The following SPRYD3 variants were observed in gnomAD, a reference collection of about 807,000 sequenced individuals.
SPRYD3 encodes the protein SPRY domain-containing protein 3.
Under a neutral mutation model 50.1 loss-of-function variants are expected in SPRYD3, and 17 were observed. That is an observed-to-expected ratio of 0.34 (90% CI 0.23 to 0.51). The LOEUF is 0.51. Among genes scored for constraint, SPRYD3 ranks in the 20% least tolerant of loss-of-function variants. SPRYD3 has a pLI of 0.97. For missense variants in SPRYD3, 401 were observed against 591.2 expected, an observed-to-expected ratio of 0.68 and a Z score of 3.34; for synonymous variants, 198 against 215.5, an observed-to-expected ratio of 0.92 and a Z score of 0.71.
chr12:53,071,854 G>A (rs1257835492), intron 6 of SPRYD3, among the ~76,000 whole-genome samples: 1 of 152,052 alleles, frequency 6.6e-6, no homozygotes, highest in East Asian at 1.9e-4. Flanking sequence ...CCTGCCACCT[G>A]GCCCAAGCTG....
Position 53,074,844 on chromosome 12 carries a change from A to G in SPRYD3, c.372-60T>C, listed in dbSNP as rs567559251. 2.1e-5 allele frequency: 34 copies of G among 1,596,888 alleles called. No homozygotes were observed. The highest frequency in any genetic ancestry group is 2.7e-5 in the Non-Finnish European group (32 of 1,166,662). On this transcript the variant is annotated intron_variant, in intron 4 of 10. Coordinates refer to ENST00000301463, the MANE Select transcript of SPRYD3 (RefSeq NM_032840.3). The surrounding 1 kb of genome is among the most constrained non-coding windows in gnomAD (Gnocchi z 4.6). The stretch of plus-strand genomic sequence containing the variant: ...CCTGGCCTCCCAACTTCTCCCCAGC[A>G]CTGACAGCAGAGGCCTCATCCTCAT...
intron 6 of SPRYD3, 88 bp from the exon 7 acceptor site, chr12:53,068,392 C>G: frequency 6.7e-7 from 1 of 1,489,548 alleles, no homozygotes; most frequent in Non-Finnish European, 9.1e-7. Context: ...GTCCCACTTT[C>G]CCAGGTCTGA....
chr12:53,066,051 C>G (rs1043699775), intron 10 of SPRYD3, 85 bp from the exon 11 acceptor site: 1 of 1,514,340 alleles, frequency 6.6e-7, no homozygotes, highest in African/African-American at 1.4e-5. Flanking sequence ...GCCTGAACCC[C>G]AATCACCCCA....
chr12:53,074,953 G>A lies in SPRYD3; in HGVS notation c.371+142C>T, dbSNP rs1457071856. Reference sequence around the variant, plus strand: ...CCTCCTCTAGTCTGTAAGCCTTCAAGGGTGCTGCCAGGCCACTTCCCTGTC... The same window carrying A: ...CCTCCTCTAGTCTGTAAGCCTTCAAAGGTGCTGCCAGGCCACTTCCCTGTC... On this transcript the variant is annotated intron_variant, in intron 4 of 10. Transcript: ENST00000301463. The surrounding 1 kb of genome is among the most constrained non-coding windows in gnomAD (Gnocchi z 4.6). 2.2e-6 allele frequency: 3 copies of A among 1,370,878 alleles called. No homozygotes were observed. The highest frequency in any genetic ancestry group is 2.0e-6 in the Non-Finnish European group (2 of 981,376). The allele number at this position is 1,370,878 out of a possible 1,614,324, so 84.9% of individuals were successfully genotyped here. A position where few individuals can be genotyped will look rare whatever the true frequency, so the allele number is the denominator to read the frequency against.
intron 6 of SPRYD3, among the ~76,000 whole-genome samples, chr12:53,070,213 C>A (rs1397816208): frequency 6.6e-6 from 1 of 152,098 alleles, no homozygotes; most frequent in African/African-American, 2.4e-5. Flanking sequence ...TACAGCGTGC[C>A]CTCTTCAGAG....
chr12:53,067,937 T>C (rs1463995189), intron 7 of SPRYD3, among the ~76,000 whole-genome samples: 1 of 151,872 alleles, frequency 6.6e-6, no homozygotes, highest in East Asian at 1.9e-4. Flanking sequence ...CCCCCAGGCC[T>C]TAGTGTGTGG....
chr12:53,069,757 G>A (rs1019182285), intron 6 of SPRYD3, among the ~76,000 whole-genome samples: 5 of 152,216 alleles, frequency 3.3e-5, no homozygotes, highest in East Asian at 1.9e-4. Flanking sequence ...CTCTCTCCCC[G>A]GGAAGCCAGG....
intron 7 of SPRYD3, 103 bp downstream of exon 7, chr12:53,068,052 A>G (rs1944522800): frequency 2.2e-6 from 3 of 1,380,750 alleles, no homozygotes; most frequent in Non-Finnish European, 1.0e-6. Context: ...CTCCCTCCAA[A>G]GCCTGGGCTC....
intron 6 of SPRYD3, 120 bp from the exon 7 acceptor site, chr12:53,068,424 G>C: frequency 8.3e-7 from 1 of 1,207,222 alleles, no homozygotes; most frequent in South Asian, 1.4e-5. Context: ...GGCTGAAAGG[G>C]AAAGAATCCT....
chr12:53,065,532 GA>G lies in SPRYD3; in HGVS notation c.*299del. On this transcript the variant is annotated 3_prime_UTR_variant, in exon 11 of 11. Transcript: ENST00000301463. ...CTCCACCCACACAGGGCCGGTGAGG[GA>G]AAGGGGGACCCAGAAGCCCACTGAC... 3 of 354,106 alleles carry G rather than the reference GA, an allele frequency of 8.5e-6. 1 individual carries two copies. The highest frequency in any genetic ancestry group is 1.2e-4 in the South Asian group (2 of 16,878). The allele number at this position is 354,106 out of a possible 1,614,324, so 21.9% of individuals were successfully genotyped here.
At position 53,073,436 on chromosome 12, in the gene SPRYD3, T is replaced by A; in HGVS notation, c.543A>T (p.Gly181=). ...AGTGCATGCCCACTGCTGGGAACAG[T>A]CCATCTGGGGACATGGGCATGATGG... is the stretch of plus-strand genomic sequence containing the variant. ...GSTIMPMSPD[G]LFPAVGMHSL... Residue 181 remains glycine, a synonymous_variant, in exon 6 of 11, where the codon GGA becomes GGT. Transcript: ENST00000301463. 1 of 1,567,682 alleles carries A rather than the reference T, an allele frequency of 6.4e-7. No homozygotes were observed. The highest frequency in any genetic ancestry group is 8.7e-7 in the Non-Finnish European group (1 of 1,155,142).
Position 53,065,864 on chromosome 12 carries a change from CTT to C in SPRYD3, c.1295_1296del (p.Lys432SerfsTer49). 6.2e-7 allele frequency: 1 copy of C among 1,613,820 alleles called. No homozygotes were observed. The highest frequency in any genetic ancestry group is 8.5e-7 in the Non-Finnish European group (1 of 1,179,934). On this transcript the variant is annotated frameshift_variant, in exon 11 of 11. Coordinates refer to ENST00000301463, the MANE Select transcript of SPRYD3 (RefSeq NM_032840.3). LOFTEE classifies it high-confidence loss of function. Reference sequence around the variant, plus strand: ...CTCAAGGGGTGCAGATCTACTTTGACTTTCTCCCCGCAGCTCAGCATTCCAAT... The same window carrying C: ...CTCAAGGGGTGCAGATCTACTTTGACTCTCCCCGCAGCTCAGCATTCCAAT... ...PTIGMLSCGE[K>X]VKVDLHPLSG
rs373337228 is a variant in SPRYD3 at position 53,078,106 on chromosome 12, C to T, written c.24-845G>A. On this transcript the variant is annotated intron_variant, in intron 1 of 10. Transcript: ENST00000301463. ...GAGACTGAAGATGGCTTGAGTCTGG[C>T]AGGTCAAGGCTGCAGTCAGTTCTGA... 2.5e-4 allele frequency: 115 copies of T among 454,394 alleles called. 1 individual carries two copies. The highest frequency in any genetic ancestry group is 2.1e-3 in the African/African-American group (105 of 49,950). 28.1% of individuals were successfully genotyped at this position (454,394 alleles called of 1,614,324 possible).
chr12:53,073,260 C>CGGG, intron 6 of SPRYD3, 26 bp downstream of exon 6: 1 of 416,308 alleles, frequency 2.4e-6, no homozygotes, highest in Non-Finnish European at 4.4e-6. Context: ...GACCCAGCCC[C>CGGG]TCCCACCCTC....
Position 53,066,008 on chromosome 12 carries a change from G to A in SPRYD3, c.1195-42C>T, listed in dbSNP as rs533497809. The A allele has an allele frequency of 1.9e-6, 3 of 1,594,422 alleles. No homozygotes were observed. The South Asian group carries it at 3.4e-5, about 18-fold the overall frequency. ...GAGAAGAATGGAGCAAGCAGGCTGT[G>A]GCCTCTTCCCTGAGGATGCTGGAGC... On this transcript the variant is annotated intron_variant, in intron 10 of 10. Coordinates refer to ENST00000301463, the MANE Select transcript of SPRYD3 (RefSeq NM_032840.3).
intron 1 of SPRYD3, 119 bp downstream of exon 1, chr12:53,079,192 T>G (rs1259298759): frequency 1.9e-6 from 2 of 1,072,970 alleles, no homozygotes; most frequent in Non-Finnish European, 1.4e-6. Context: ...AGAAGCCCAG[T>G]GACCAGAGCG....
In SPRYD3 at chr12:53,075,827, G is replaced by T. The variant is rs1313116616; in HGVS notation, c.171-16C>A. 1 of 1,610,028 alleles carries T rather than the reference G, an allele frequency of 6.2e-7. No individual in the cohort carries two copies. On this transcript the variant is annotated splice_polypyrimidine_tract_variant and intron_variant, in intron 2 of 10. Transcript: ENST00000301463. ...TCCATGATAACTGAAGGAGGAATGA[G>T]GGGGGAATTCCATTAGCAGCCTAGC...
chr12:53,079,172 C>G, intron 1 of SPRYD3, 139 bp downstream of exon 1: 1 of 901,142 alleles, frequency 1.1e-6, no homozygotes, highest in Non-Finnish European at 1.7e-6. Context: ...GCCGAGGGTG[C>G]AGCAACAGAA....
intron 6 of SPRYD3, 28 bp downstream of exon 6, chr12:53,073,258 C>CCCCGGGGGGGGGGGGGGGGG: frequency 5.0e-6 from 2 of 397,788 alleles, no homozygotes; most frequent in East Asian, 3.8e-5. Context: ...CCGACCCAGC[C>CCCCGGGGGGGGGGGGGGGGG]CCTCCCACCC....
Sources: allele counts gnomAD v4.1 joint callset (sites outside exome capture counted in the v4.1 genomes callset), GRCh38; gene constraint gnomAD v4.1.1; non-coding constraint Gnocchi (gnomAD v3.1); transcripts MANE v1.5; gene names NCBI Gene and HGNC (gene_info 2026-07-23, HGNC 2026-07-21).